CAMKMT: variants seen among roughly 807,000 people sequenced by gnomAD.
CAMKMT encodes CaM KMT.
Under a neutral mutation model 48.0 loss-of-function variants are expected in CAMKMT, and 53 were observed. The observed-to-expected ratio is 1.10, with a 90% CI of 0.89 to 1.39. The LOEUF (loss-of-function observed/expected upper bound fraction) is 1.39. Among genes scored for constraint, CAMKMT ranks in the 40% most tolerant of loss-of-function variants. CAMKMT has a pLI of 0.00. For missense variants in CAMKMT, 428 were observed against 402.7 expected, an observed-to-expected ratio of 1.06 and a Z score of -0.54; for synonymous variants, 165 against 152.3, an observed-to-expected ratio of 1.08 and a Z score of -0.61.
chr2:44,520,795 G>A (rs565294141), intron 3 of CAMKMT, among the ~76,000 whole-genome samples: 1 of 152,294 alleles, frequency 6.6e-6, no homozygotes, highest in Admixed American at 6.5e-5. Context: ...CATGGGGGCA[G>A]TTCCCCCATG....
intron 3 of CAMKMT, among the ~76,000 whole-genome samples, chr2:44,617,379 C>T (rs1671950975): frequency 6.6e-6 from 1 of 152,168 alleles, no homozygotes; most frequent in Admixed American, 6.5e-5. Context: ...ATCCTAAACA[C>T]ACACTCCTTA....
intron 3 of CAMKMT, among the ~76,000 whole-genome samples, chr2:44,673,755 G>A (rs1415988723): frequency 2.6e-5 from 4 of 152,178 alleles, no homozygotes; most frequent in Admixed American, 2.0e-4. Context: ...GGACAAAGAA[G>A]GGAGATGACT....
At chr2:44,522,145 A>G (rs1266903955) in intron 3 of CAMKMT, among the ~76,000 whole-genome samples, 2 of 151,978 alleles carry the variant, frequency 1.3e-5, no homozygotes, top group East Asian at 1.9e-4. Context: ...CTGGGACTAC[A>G]GGCACATGCC....
At chr2:44,701,930 T>C (rs535084469) in intron 3 of CAMKMT, among the ~76,000 whole-genome samples, 1 of 152,302 alleles carries the variant, frequency 6.6e-6, no homozygotes, top group East Asian at 1.9e-4. Context: ...GTCCAAAATG[T>C]TAACAGTGAT....
chr2:44,375,892 T>TCTCCTGCCTCAGC (rs1679641262), intron 2 of CAMKMT, among the ~76,000 whole-genome samples: 1 of 152,018 alleles, frequency 6.6e-6, no homozygotes, highest in African/African-American at 2.4e-5. Context: ...TTCAAGTGAC[T>TCTCCTGCCTCAGC]CTCCTGCCTC....
chr2:44,587,639 C>T (rs985244668), intron 3 of CAMKMT, among the ~76,000 whole-genome samples: 6 of 85,394 alleles, frequency 7.0e-5, no homozygotes, highest in African/African-American at 2.6e-4. Context: ...CCACGCCTGA[C>T]TGGTTTTCCT....
At chr2:44,446,637 G>T (rs1667016738) in intron 3 of CAMKMT, among the ~76,000 whole-genome samples, 1 of 152,140 alleles carries the variant, frequency 6.6e-6, no homozygotes, top group African/African-American at 2.4e-5. Context: ...GCGCCACTAT[G>T]CCCAGCCTTT....
In CAMKMT at chr2:44,550,918, C is replaced by G. The variant is rs544582643; in HGVS notation, c.377-153365C>G. ...AGACTGCCGAGAATGGGGCTTGAGA[C>G]TAAAGTTTTAAACAACTCATTCATG... On this transcript the variant is annotated intron_variant, in intron 3 of 10. Coordinates refer to ENST00000378494, the MANE Select transcript of CAMKMT (RefSeq NM_024766.5). 8 of 152,254 alleles carry G rather than the reference C, an allele frequency of 5.3e-5. No individual in the cohort carries two copies. The South Asian group carries it at 1.7e-3, about 32-fold the overall frequency. 9.4% of individuals were successfully genotyped at this position (152,254 alleles called of 1,614,324 possible). A position where few individuals can be genotyped will look rare whatever the true frequency, so the allele number is the denominator to read the frequency against.
intron 3 of CAMKMT, among the ~76,000 whole-genome samples, chr2:44,417,580 G>C (rs948101678): frequency 7.6e-4 from 116 of 152,152 alleles, no homozygotes; most frequent in African/African-American, 2.7e-3. Context: ...ATACCTAGGA[G>C]TAGAATTGTT....
intron 3 of CAMKMT, among the ~76,000 whole-genome samples, chr2:44,650,014 C>G (rs1311999814): frequency 6.6e-6 from 1 of 152,200 alleles, no homozygotes; most frequent in Non-Finnish European, 1.5e-5. Flanking sequence ...TAATTCCTAT[C>G]TGGTTTGGTC....
chr2:44,509,851 A>G (rs1670448385), intron 3 of CAMKMT, among the ~76,000 whole-genome samples: 2 of 152,234 alleles, frequency 1.3e-5, no homozygotes, highest in Admixed American at 6.5e-5. Flanking sequence ...CTATGTTACA[A>G]CGTGGGACAA....
intron 3 of CAMKMT, chr2:44,549,905 C>T (rs185880393): frequency 4.7e-5 from 14 of 298,022 alleles, no homozygotes; most frequent in East Asian, 2.3e-4. Flanking sequence ...TCCATCCTTC[C>T]GTCATTCAGT....
chr2:44,474,370 C>G (rs1668575941), intron 3 of CAMKMT, among the ~76,000 whole-genome samples: 1 of 151,394 alleles, frequency 6.6e-6, no homozygotes, highest in Non-Finnish European at 1.5e-5. Flanking sequence ...TTGCTTGAAC[C>G]CAGGAGATGG....
At chr2:44,442,590 A>C (rs993399921) in intron 3 of CAMKMT, among the ~76,000 whole-genome samples, 2 of 152,090 alleles carry the variant, frequency 1.3e-5, no homozygotes, top group Non-Finnish European at 2.9e-5. Flanking sequence ...TTTCAATATA[A>C]TGTTAGCTCT....
intron 3 of CAMKMT, among the ~76,000 whole-genome samples, chr2:44,416,669 G>C (rs1683577047): frequency 6.7e-6 from 1 of 148,328 alleles, no homozygotes; most frequent in African/African-American, 2.5e-5. Context: ...TGCCTCCTGG[G>C]TTCAAGTGAT....
At chr2:44,690,093 C>A (rs1471269117) in intron 3 of CAMKMT, among the ~76,000 whole-genome samples, 1 of 152,130 alleles carries the variant, frequency 6.6e-6, no homozygotes, top group Non-Finnish European at 1.5e-5. Flanking sequence ...GAAGATTTAA[C>A]TTCTAGGACC....
chr2:44,430,617 C>G (rs371206142), intron 3 of CAMKMT, among the ~76,000 whole-genome samples: 2 of 152,062 alleles, frequency 1.3e-5, no homozygotes, highest in African/African-American at 4.8e-5. Flanking sequence ...GGTTACATTG[C>G]TCCTCCCAGG....
At chr2:44,521,468 A>G (rs915891922) in intron 3 of CAMKMT, among the ~76,000 whole-genome samples, 2 of 152,030 alleles carry the variant, frequency 1.3e-5, no homozygotes, top group African/African-American at 4.8e-5. Flanking sequence ...TTTAGTAGAG[A>G]TGGGGTTTCA....
intron 3 of CAMKMT, among the ~76,000 whole-genome samples, chr2:44,563,512 T>G (rs1429902889): frequency 1.3e-5 from 2 of 151,808 alleles, no homozygotes; most frequent in African/African-American, 4.8e-5. Flanking sequence ...CTAGGGTACA[T>G]GTGCACAACG....
Sources: allele counts gnomAD v4.1 joint callset (sites outside exome capture counted in the v4.1 genomes callset), GRCh38; gene constraint gnomAD v4.1.1; transcripts MANE v1.5; gene names NCBI Gene and HGNC (gene_info 2026-07-23, HGNC 2026-07-21).